LMX1B: variants seen among roughly 807,000 people sequenced by gnomAD.
The protein encoded by LMX1B is LIM homeobox transcription factor 1 beta.
Under a neutral mutation model 51.4 loss-of-function variants are expected in LMX1B, and 12 were observed. That is an observed-to-expected ratio of 0.23 (90% CI 0.15 to 0.38). The LOEUF (loss-of-function observed/expected upper bound fraction) is 0.38, where lower values mean the gene tolerates loss of function less well. LMX1B is among the 10% of genes least tolerant of loss of function. LMX1B has a pLI of 1.00. For synonymous variants in LMX1B, 237 were observed against 235.4 expected (o/e 1.01, Z -0.06); for missense variants, 445 against 571.1 (o/e 0.78, Z 2.25).
At chr9:126,682,894 G>GAAAAAAA (rs577172677) in intron 2 of LMX1B, among the ~76,000 whole-genome samples, 6 of 86,122 alleles carry the variant, frequency 7.0e-5, no homozygotes, top group Admixed American at 1.3e-4. Flanking sequence ...CACTCTGTCT[G>GAAAAAAA]AAAAAAAAAA....
At chr9:126,662,119 T>C (rs1713333447) in intron 2 of LMX1B, among the ~76,000 whole-genome samples, 2 of 152,320 alleles carry the variant, frequency 1.3e-5, no homozygotes, top group South Asian at 4.1e-4. Flanking sequence ...GGGCTGCTGC[T>C]ACCAGTCCCT....
chr9:126,693,661 C>T, intron 5 of LMX1B, 60 bp downstream of exon 5: 2 of 1,606,640 alleles, frequency 1.2e-6, no homozygotes, highest in East Asian at 2.2e-5. Flanking sequence ...AGGGGGCAGC[C>T]AGAAGACTAC....
intron 2 of LMX1B, among the ~76,000 whole-genome samples, chr9:126,647,836 C>T (rs1476547776): frequency 1.3e-5 from 2 of 152,208 alleles, no homozygotes; most frequent in East Asian, 1.9e-4. Flanking sequence ...TGAGAAGCCT[C>T]GAGCAGCCAG....
At chr9:126,650,267 C>T (rs57114917) in intron 2 of LMX1B, among the ~76,000 whole-genome samples, 18,959 of 152,172 alleles carry the variant, frequency 0.12, 1,674 homozygotes, top group East Asian at 0.4. Context: ...GGGACTTGGC[C>T]GCCAGGGATG....
Position 126,614,560 on chromosome 9 carries a change from C to T in LMX1B, c.111C>T (p.Pro37=), listed in dbSNP as rs773902469. The T allele has an allele frequency of 1.9e-6, 3 of 1,565,324 alleles. No individual in the cohort carries two copies. The Admixed American group carries it at 5.3e-5, about 28-fold the overall frequency. The change falls in exon 1 of 8, where the codon CCC becomes CCT. Residue 37 remains proline (P), a synonymous_variant. Transcript: ENST00000373474. ...GIKMEEHALR[P]GPATLGVLLG... ...AGATGGAGGAGCACGCCCTGCGCCC[C>T]GGGCCCGCCACTCTGGGGGTGCTGC...
rs556281875 is a variant in LMX1B, at chr9:126,688,085, C to T, written c.327-2751C>T. Among the ~76,000 whole-genome samples, 13 of 152,156 alleles carry T rather than the reference C, an allele frequency of 8.5e-5. No homozygotes were observed. The South Asian group carries it at 1.4e-3, about 17-fold the overall frequency. On this transcript the variant is annotated intron_variant, in intron 2 of 7. Transcript: ENST00000373474. ...GATGGCGCATTCTGTTTATAAAGTG[C>T]GCGCAGTTTGTTTTATTTCCTGAGT...
In LMX1B at chr9:126,641,309, G is replaced by A. The variant is rs1453972741; in HGVS notation, c.326+25740G>A. The A allele has an allele frequency of 1.3e-5, 2 of 152,204 alleles. No homozygotes were observed. The highest frequency in any genetic ancestry group is 4.8e-5 in the African/African-American group (2 of 41,436). 9.4% of individuals were successfully genotyped at this position (152,204 alleles called of 1,614,324 possible). A position where few individuals can be genotyped will look rare whatever the true frequency, so the allele number is the denominator to read the frequency against. ...GTTGACTGAACACTCTCTGTGTGCT[G>A]AGCACTGTACTAAGTGCCTTGCAAC... On this transcript the variant is annotated intron_variant, in intron 2 of 7. Transcript: ENST00000373474. This position sits in a 1 kb window ranked among gnomAD's most constrained non-coding sequence, Gnocchi z 4.1.
In LMX1B at chr9:126,693,327, AG is replaced by A. The variant is rs779132103; in HGVS notation, c.741+8del. On this transcript the variant is annotated splice_donor_5th_base_variant and intron_variant, in intron 4 of 7. Coordinates refer to ENST00000373474, the MANE Select transcript of LMX1B (RefSeq NM_001174147.2). ...CTCGTCGAAGCCTTGCCGAAAGGTG[AG>A]GGGCGGCCGGGGGGCGGGGCTCAGG... 2.0e-5 allele frequency: 32 copies of A among 1,590,260 alleles called. No individual in the cohort carries two copies. In the African/African-American group the frequency reaches 3.0e-4, roughly 15 times the overall value.
chr9:126,633,877 A>G lies in LMX1B; in HGVS notation c.326+18308A>G, dbSNP rs765221875. ...CAGAGCCTGTTATTATCCCCATTTC[A>G]GCGATATGGAGACTGAGGCACAGAA... On this transcript the variant is annotated intron_variant, in intron 2 of 7. Coordinates refer to ENST00000373474, the MANE Select transcript of LMX1B (RefSeq NM_001174147.2). Among the ~76,000 whole-genome samples the G allele has an allele frequency of 5.3e-5, 8 of 152,088 alleles. No homozygotes were observed. In the East Asian group the frequency reaches 1.2e-3, roughly 22 times the overall value.
chr9:126,629,122 G>A (rs1380425858), intron 2 of LMX1B, among the ~76,000 whole-genome samples: 2 of 152,148 alleles, frequency 1.3e-5, no homozygotes, highest in African/African-American at 4.8e-5. Context: ...AGCAGGCTGG[G>A]TGCTTTTTTT....
chr9:126,644,639 G>A (rs1164891494), intron 2 of LMX1B, among the ~76,000 whole-genome samples: 4 of 152,252 alleles, frequency 2.6e-5, no homozygotes, highest in South Asian at 2.1e-4. Flanking sequence ...AACAGGGCTC[G>A]GGGAAGATAA....
At chr9:126,663,119 G>A (rs1201037419) in intron 2 of LMX1B, among the ~76,000 whole-genome samples, 4 of 152,090 alleles carry the variant, frequency 2.6e-5, no homozygotes, top group Admixed American at 1.3e-4. Flanking sequence ...GACCTCAGCT[G>A]AACAACCTAA....
At chr9:126,632,356 G>T (rs1045588444) in intron 2 of LMX1B, among the ~76,000 whole-genome samples, 1 of 152,154 alleles carries the variant, frequency 6.6e-6, no homozygotes, top group East Asian at 1.9e-4. Flanking sequence ...TTCCAGGAGG[G>T]GGCCCTGGCA....
intron 2 of LMX1B, among the ~76,000 whole-genome samples, chr9:126,672,449 TCA>T (rs1282600176): frequency 2.6e-5 from 4 of 152,134 alleles, no homozygotes; most frequent in African/African-American, 9.7e-5. Flanking sequence ...CTGCAGAGAC[TCA>T]GTTTATTTTA....
chr9:126,688,607 G>A (rs1428372584), intron 2 of LMX1B, among the ~76,000 whole-genome samples: 4 of 152,250 alleles, frequency 2.6e-5, no homozygotes, highest in Non-Finnish European at 5.9e-5. Flanking sequence ...CCCCTCGGGA[G>A]AGCTGGACAG....
chr9:126,671,401 T>C lies in LMX1B; in HGVS notation c.327-19435T>C, dbSNP rs1369146467. 6.6e-6 allele frequency among the ~76,000 whole-genome samples: 1 copy of C among 151,438 alleles called. No homozygotes were observed. The highest frequency in any genetic ancestry group is 2.0e-4 in the East Asian group (1 of 5,052). ...CCCAGCAGCTGGGCCCGGGCTCAGC[T>C]GGGGCCCCTGGCCTGGCCAGCCAGG... On this transcript the variant is annotated intron_variant, in intron 2 of 7. Transcript: ENST00000373474. This position sits in a 1 kb window ranked among gnomAD's most constrained non-coding sequence, Gnocchi z 4.4.
intron 6 of LMX1B, among the ~76,000 whole-genome samples, chr9:126,694,194 G>A (rs1465723491): frequency 6.6e-6 from 1 of 152,130 alleles, no homozygotes; most frequent in Admixed American, 6.5e-5. Context: ...GTGCAGACAC[G>A]GGTCTCAGCC....
intron 2 of LMX1B, among the ~76,000 whole-genome samples, chr9:126,670,048 G>A (rs1836420812): frequency 6.6e-6 from 1 of 152,170 alleles, no homozygotes. Context: ...CCCCTTCCTG[G>A]CAACTTTTCC....
At position 126,695,210 on chromosome 9, in the gene LMX1B, G is replaced by A. The variant is rs967177752; in HGVS notation, c.887-629G>A. Among the ~76,000 whole-genome samples the A allele has an allele frequency of 6.6e-5, 10 of 151,948 alleles. No homozygotes were observed. The highest frequency in any genetic ancestry group is 1.3e-4 in the Admixed American group (2 of 15,270). On this transcript the variant is annotated intron_variant, in intron 6 of 7. Transcript: ENST00000373474. This position sits in a 1 kb window ranked among gnomAD's most constrained non-coding sequence, Gnocchi z 5.2. The stretch of plus-strand genomic sequence containing the variant: ...TCCTCCTCCAGCCTTTCTCACCCTC[G>A]TCTACCAAACCCTCCAGCGGCTCCC...
Sources: gnomAD v4.1 joint callset for allele counts (sites outside exome capture counted in the v4.1 genomes callset) on GRCh38, gnomAD v4.1.1 for gene constraint, Gnocchi (gnomAD v3.1) non-coding constraint, MANE v1.5 for transcripts, NCBI Gene and HGNC (gene_info 2026-07-23, HGNC 2026-07-21) for gene names.